NOX4: variants seen among roughly 807,000 people sequenced by gnomAD.
NOX4 encodes NADPH oxidase 4.
NOX4 carries 69 observed loss-of-function variants against 87.6 expected under a neutral mutation model. The observed-to-expected ratio is 0.79, with a 90% CI of 0.65 to 0.96. The LOEUF (loss-of-function observed/expected upper bound fraction) is 0.96, where lower values mean the gene tolerates loss of function less well. Ranked by LOEUF, NOX4 falls within the 40% of genes least tolerant of loss-of-function variation. The probability of loss-of-function intolerance (pLI) is 0.00; values close to 1 mark genes in which losing one functional copy is unlikely to be tolerated. For missense variants in NOX4, 680 were observed against 681.5 expected (o/e 1.00, Z 0.02); for synonymous variants, 275 against 238.2 (o/e 1.15, Z -1.42).
At chr11:89,346,888 G>T (rs1946237243) in intron 13 of NOX4, among the ~76,000 whole-genome samples, 1 of 152,106 alleles carries the variant, frequency 6.6e-6, no homozygotes, top group Non-Finnish European at 1.5e-5. Context: ...CCCAGCCCAG[G>T]GGTTGGGATC....
At chr11:89,420,936 T>C (rs1943051359) in intron 8 of NOX4, among the ~76,000 whole-genome samples, 1 of 152,140 alleles carries the variant, frequency 6.6e-6, no homozygotes, top group Admixed American at 6.6e-5. Context: ...GGGCATCCCT[T>C]GAGGGGACCT....
chr11:89,492,005 G>A (rs1946873325), upstream of NOX4: 1 of 152,016 alleles, frequency 6.6e-6, no homozygotes, highest in South Asian at 2.1e-4. Flanking sequence ...CTGATAAAAA[G>A]GTTTTAAGAC....
At chr11:89,416,047 A>T (rs1173198744) in intron 8 of NOX4, among the ~76,000 whole-genome samples, 1 of 152,146 alleles carries the variant, frequency 6.6e-6, no homozygotes, top group Admixed American at 6.6e-5. Context: ...GTCTACATTA[A>T]AACAGTGCAT....
chr11:89,510,509 G>C, the NOX4 span, among the ~76,000 whole-genome samples: 1 of 152,010 alleles, frequency 6.6e-6, no homozygotes, highest in East Asian at 1.9e-4. Flanking sequence ...GTAACATAAA[G>C]TCACAGAAAC....
chr11:89,584,429 T>C, the NOX4 span, among the ~76,000 whole-genome samples: 10 of 152,182 alleles, frequency 6.6e-5, no homozygotes, highest in Non-Finnish European at 1.5e-5. Context: ...ATGGACTCAT[T>C]TTACTTTTTT....
At chr11:89,486,462 A>ATG (rs1160619724) in intron 2 of NOX4, among the ~76,000 whole-genome samples, 2 of 126,460 alleles carry the variant, frequency 1.6e-5, no homozygotes, top group Admixed American at 7.5e-5. Flanking sequence ...CCCAGCTAAT[A>ATG]TATGTGTGTG....
In NOX4 at chr11:89,435,115, T is replaced by C. The variant is rs562405705; in HGVS notation, c.476-2259A>G. ...AATCAAATTGTATACATGTGTATAA[T>C]TAGTGTACTTCAATTATAATTTCAT... On this transcript the variant is annotated intron_variant, in intron 6 of 17. Transcript: ENST00000263317. Among the ~76,000 whole-genome samples, 8 of 152,254 alleles carry C rather than the reference T, an allele frequency of 5.3e-5. No homozygotes were observed. The South Asian group carries it at 1.5e-3, about 28-fold the overall frequency.
At chr11:89,357,129 C>T (rs896967822) in intron 12 of NOX4, among the ~76,000 whole-genome samples, 17 of 152,098 alleles carry the variant, frequency 1.1e-4, no homozygotes, top group African/African-American at 3.9e-4. Context: ...CACAAAGTGG[C>T]CAGTGCTTCC....
At chr11:89,543,008 T>A in the NOX4 span, among the ~76,000 whole-genome samples, 2 of 152,112 alleles carry the variant, frequency 1.3e-5, no homozygotes, top group African/African-American at 2.4e-5. Flanking sequence ...TGTAGAAAAT[T>A]AAAGCTCTTT....
At chr11:89,569,698 A>G in the NOX4 span, among the ~76,000 whole-genome samples, 3 of 152,148 alleles carry the variant, frequency 2.0e-5, no homozygotes, top group Non-Finnish European at 2.9e-5. Context: ...TTCTGGGTAT[A>G]TATCTAAAAG....
At chr11:89,543,351 C>T in the NOX4 span, among the ~76,000 whole-genome samples, 1 of 152,256 alleles carries the variant, frequency 6.6e-6, no homozygotes, top group Admixed American at 6.5e-5. Flanking sequence ...TATAGAATCA[C>T]ATATATGTTA....
At chr11:89,586,900 A>C in the NOX4 span, among the ~76,000 whole-genome samples, 1 of 152,130 alleles carries the variant, frequency 6.6e-6, no homozygotes, top group Admixed American at 6.6e-5. Context: ...AGGTGAAAGG[A>C]CTGGGAGTGT....
the NOX4 span, among the ~76,000 whole-genome samples, chr11:89,572,190 G>C: frequency 6.6e-6 from 1 of 152,176 alleles, no homozygotes; most frequent in East Asian, 1.9e-4. Context: ...TCTGTCAGGG[G>C]CCATGTCCTT....
At chr11:89,484,012 T>G (rs1428170152) in intron 2 of NOX4, among the ~76,000 whole-genome samples, 1 of 152,072 alleles carries the variant, frequency 6.6e-6, no homozygotes, top group Non-Finnish European at 1.5e-5. Flanking sequence ...AACAAAAACT[T>G]GAAATCATGC....
chr11:89,394,065 T>C (rs1156955096), intron 11 of NOX4, among the ~76,000 whole-genome samples: 1 of 152,254 alleles, frequency 6.6e-6, no homozygotes, highest in East Asian at 1.9e-4. Context: ...GGCCAGGCCA[T>C]AGAAGGGACT....
At chr11:89,588,546 T>G in the NOX4 span, among the ~76,000 whole-genome samples, 1 of 152,226 alleles carries the variant, frequency 6.6e-6, no homozygotes, top group African/African-American at 2.4e-5. Context: ...CTTCAGCAAG[T>G]GCTTGCCTCT....
upstream of NOX4, among the ~76,000 whole-genome samples, chr11:89,501,934 C>T (rs1947026309): frequency 6.6e-6 from 1 of 151,980 alleles, no homozygotes; most frequent in Admixed American, 6.6e-5. Flanking sequence ...GTTTTTGTTG[C>T]AGTTATCCTG....
chr11:89,425,687 CAAG>C (rs1943359319), intron 7 of NOX4, among the ~76,000 whole-genome samples: 1 of 151,752 alleles, frequency 6.6e-6, no homozygotes, highest in Non-Finnish European at 1.5e-5. Context: ...TGAAGAAGAG[CAAG>C]AAGGATTTAA....
At chr11:89,561,230 A>T in the NOX4 span, among the ~76,000 whole-genome samples, 1 of 151,062 alleles carries the variant, frequency 6.6e-6, no homozygotes, top group South Asian at 2.1e-4. Flanking sequence ...TTTAATCAGT[A>T]GGCAAATATA....
Sources: allele counts gnomAD v4.1 joint callset (sites outside exome capture counted in the v4.1 genomes callset), GRCh38; gene constraint gnomAD v4.1.1; transcripts MANE v1.5; gene names NCBI Gene and HGNC (gene_info 2026-07-23, HGNC 2026-07-21).